Variants in SEC14L5 observed in about 807,000 individuals in gnomAD.
SEC14L5 encodes the protein SEC14-like protein 5.
SEC14L5 carries 96 observed loss-of-function variants against 84.6 expected under a neutral mutation model. That is an observed-to-expected ratio of 1.13 (90% CI 0.96 to 1.34). The LOEUF (loss-of-function observed/expected upper bound fraction) is 1.34. SEC14L5 is among the 40% of genes most tolerant of loss of function. The pLI, the probability that SEC14L5 is intolerant of heterozygous loss-of-function variation, is 0.00. For synonymous variants in SEC14L5, 546 were observed against 383.4 expected (o/e 1.42, Z -4.95); for missense variants, 1,224 against 942.5 (o/e 1.30, Z -3.91).
chr16:5,008,775 G>A (rs1955765928), intron 14 of SEC14L5, 127 bp downstream of exon 14: 2 of 795,808 alleles, frequency 2.5e-6, no homozygotes, highest in Admixed American at 5.5e-5. Flanking sequence ...GACCCTGCAG[G>A]ACAGGGCAGA....
Position 4,991,907 on chromosome 16 carries a change from A to G in SEC14L5, c.544A>G (p.Thr182Ala). ...GGGTACCTCGCACATTCCGCGCTGG[A>G]CGCCTGCCCCAGTCCGTGAGGAGGA... ...SQGTSHIPRWTPAPVREEDAR... is the reference protein window; with the variant it reads ...SQGTSHIPRWAPAPVREEDAR... Residue 182 changes from threonine (T) to alanine (A), a missense_variant, in exon 6 of 16, where the codon ACG (threonine) becomes GCG (alanine). Transcript: ENST00000251170. The G allele has an allele frequency of 6.2e-7, 1 of 1,608,606 alleles. No homozygotes were observed. Among genetic ancestry groups the G allele is most frequent in the Non-Finnish European group, 8.5e-7 (1 of 1,178,802 alleles).
At chr16:5,001,290 G>A (rs554405190) in intron 10 of SEC14L5, among the ~76,000 whole-genome samples, 2 of 139,526 alleles carry the variant, frequency 1.4e-5, no homozygotes, top group East Asian at 2.1e-4. Context: ...ACGGAGTCTC[G>A]CTCTGTCGCC....
intron 6 of SEC14L5, among the ~76,000 whole-genome samples, chr16:4,992,648 AATTT>A (rs1955564520): frequency 6.6e-6 from 1 of 152,220 alleles, no homozygotes; most frequent in Admixed American, 6.5e-5. Context: ...AATTATTATG[AATTT>A]ACTAATTATT....
chr16:4,962,636 C>A (rs575318585), intron 2 of SEC14L5, among the ~76,000 whole-genome samples: 1 of 140,540 alleles, frequency 7.1e-6, no homozygotes, highest in Non-Finnish European at 1.5e-5. Flanking sequence ...TGCAGGGAGC[C>A]GAGATCGTGC....
chr16:4,988,031 C>G, intron 3 of SEC14L5, 118 bp from the exon 4 acceptor site: 1 of 1,123,034 alleles, frequency 8.9e-7, no homozygotes, highest in Non-Finnish European at 1.3e-6. Flanking sequence ...GGCGGTGGCG[C>G]AAGGGACCTG....
intron 2 of SEC14L5, 34 bp from the exon 3 acceptor site, chr16:4,987,523 C>A (rs1430452392): frequency 6.6e-7 from 1 of 1,506,088 alleles, no homozygotes; most frequent in African/African-American, 1.4e-5. Flanking sequence ...TCTGCCCCCC[C>A]CACCACGGCC....
intron 2 of SEC14L5, 140 bp downstream of exon 2, chr16:4,959,526 A>G: frequency 1.4e-6 from 1 of 730,014 alleles, no homozygotes; most frequent in Non-Finnish European, 2.4e-6. Flanking sequence ...GGTGGGTTTA[A>G]CTTCTATCCA....
chr16:5,006,067 C>T lies in SEC14L5; in HGVS notation c.1437+19C>T. 6.2e-7 allele frequency: 1 copy of T among 1,612,372 alleles called. No homozygotes were observed. Among genetic ancestry groups the T allele is most frequent in the Non-Finnish European group, 8.5e-7 (1 of 1,179,040 alleles). ...GAGTGTGGTGAGGCTTCCATGTCCACAGACAGACCTGGGCTTGAGGAGGGG... is the reference window on the plus strand; with the variant it reads ...GAGTGTGGTGAGGCTTCCATGTCCATAGACAGACCTGGGCTTGAGGAGGGG... On this transcript the variant is annotated intron_variant, in intron 12 of 15. Coordinates refer to ENST00000251170, the MANE Select transcript of SEC14L5 (RefSeq NM_014692.2).
intron 7 of SEC14L5, 23 bp from the exon 8 acceptor site, chr16:4,996,832 C>T: frequency 6.3e-7 from 1 of 1,593,758 alleles, no homozygotes; most frequent in Non-Finnish European, 8.6e-7. Flanking sequence ...GTTCTGTGGG[C>T]TTTTTACTTC....
At chr16:4,960,997 T>C (rs994504475) in intron 2 of SEC14L5, among the ~76,000 whole-genome samples, 9 of 152,090 alleles carry the variant, frequency 5.9e-5, no homozygotes, top group Non-Finnish European at 1.3e-4. Flanking sequence ...TTAAGCCGGG[T>C]GCAGTGGCTC....
At chr16:4,998,150 C>A (rs920484181) in intron 8 of SEC14L5, among the ~76,000 whole-genome samples, 1 of 151,656 alleles carries the variant, frequency 6.6e-6, no homozygotes, top group Non-Finnish European at 1.5e-5. Context: ...GGACTACAGG[C>A]GTGCACCACC....
At chr16:4,988,014 C>A in intron 3 of SEC14L5, 135 bp from the exon 4 acceptor site, 2 of 939,354 alleles carry the variant, frequency 2.1e-6, no homozygotes, top group Non-Finnish European at 3.2e-6. Flanking sequence ...TGGGTCCGGG[C>A]TGGGTGGGCG....
intron 15 of SEC14L5, among the ~76,000 whole-genome samples, chr16:5,013,170 G>C (rs1355857016): frequency 6.6e-6 from 1 of 152,070 alleles, no homozygotes; most frequent in Non-Finnish European, 1.5e-5. Context: ...TCAACACTTG[G>C]GGATTACAAT....
chr16:4,965,955 T>A (rs1028820610), intron 2 of SEC14L5, among the ~76,000 whole-genome samples: 25 of 151,988 alleles, frequency 1.6e-4, no homozygotes, highest in Non-Finnish European at 1.3e-4. Context: ...GGCAGGAGGA[T>A]CACTTGAGCC....
In SEC14L5 at chr16:5,008,585, C is replaced by A. The variant is rs1955761953; in HGVS notation, c.1737C>A (p.Val579=). ...GGCAGCTGATCGACAAAGGCTGGGT[C>A]CTGGGCAGGGATTACAGCCGTGTGG... ...ASGQLIDKGW[V]LGRDYSRVEA... is the part of the protein sequence containing the mutation. Residue 579 remains valine (V), a synonymous_variant, in exon 14 of 16, where the codon GTC becomes GTA. Coordinates refer to ENST00000251170, the MANE Select transcript of SEC14L5 (RefSeq NM_014692.2). 1 of 1,607,250 alleles carries A rather than the reference C, an allele frequency of 6.2e-7. No individual in the cohort carries two copies. The highest frequency in any genetic ancestry group is 8.5e-7 in the Non-Finnish European group (1 of 1,178,186).
In SEC14L5 at chr16:5,007,405, G is replaced by T; in HGVS notation, c.1491G>T (p.Glu497Asp). ...CCAAGTCCCTCTACATGACAGAAGA[G>T]GAGCAGGAGCACACGGACCAGCTGT... Reference protein sequence around the residue: ...LVPKSLYMTEEEQEHTDQLWQ... With the variant: ...LVPKSLYMTEDEQEHTDQLWQ... The change falls in exon 13 of 16, where the codon GAG becomes GAT. Residue 497 changes from glutamate (E) to aspartate (D), a missense_variant. Coordinates refer to ENST00000251170, the MANE Select transcript of SEC14L5 (RefSeq NM_014692.2). 1 of 1,613,800 alleles carries T rather than the reference G, an allele frequency of 6.2e-7. No homozygotes were observed. The highest frequency in any genetic ancestry group is 8.5e-7 in the Non-Finnish European group (1 of 1,179,788).
intron 2 of SEC14L5, among the ~76,000 whole-genome samples, chr16:4,983,222 C>T (rs1175068452): frequency 6.6e-6 from 1 of 151,888 alleles, no homozygotes; most frequent in Non-Finnish European, 1.5e-5. Context: ...TCATGTTAGC[C>T]AGGCTGGTCT....
rs955705778 is a variant in SEC14L5 at position 5,005,756 on chromosome 16, C to T, written c.1303-158C>T. Among the ~76,000 whole-genome samples, 11 of 145,688 alleles carry T rather than the reference C, an allele frequency of 7.6e-5. No homozygotes were observed. The East Asian group carries it at 1.3e-3, about 17-fold the overall frequency. ...GTGGGTGCCTGTAGTCCCAGCTACT[C>T]GGGAGGCTGAGGCAGGAGGATGGCG... On this transcript the variant is annotated intron_variant, in intron 11 of 15. Coordinates refer to ENST00000251170, the MANE Select transcript of SEC14L5 (RefSeq NM_014692.2).
chr16:4,988,295 C>T lies in SEC14L5; in HGVS notation c.345+15C>T, dbSNP rs1955517674. ...GCAGCTACACGGTGAGCCCAGGCCACCCTCAGCGCCCACGCCCGGCACCCA... is the reference window on the plus strand; with the variant it reads ...GCAGCTACACGGTGAGCCCAGGCCATCCTCAGCGCCCACGCCCGGCACCCA... On this transcript the variant is annotated intron_variant, in intron 4 of 15. Coordinates refer to ENST00000251170, the MANE Select transcript of SEC14L5 (RefSeq NM_014692.2). 1 of 1,612,586 alleles carries T rather than the reference C, an allele frequency of 6.2e-7. No individual in the cohort carries two copies. Among genetic ancestry groups the T allele is most frequent in the South Asian group, 1.1e-5 (1 of 90,992 alleles).
Sources: gnomAD v4.1 joint callset for allele counts (sites outside exome capture counted in the v4.1 genomes callset) on GRCh38, gnomAD v4.1.1 for gene constraint, MANE v1.5 for transcripts, NCBI Gene and HGNC (gene_info 2026-07-23, HGNC 2026-07-21) for gene names.